Variants in ANK2 observed in about 807,000 individuals in gnomAD.
The protein encoded by ANK2 is ankyrin 2.
Under a neutral mutation model 360.5 loss-of-function variants are expected in ANK2, and 83 were observed. The observed-to-expected ratio is 0.23, with a 90% CI of 0.19 to 0.28. ANK2 has a LOEUF of 0.28. ANK2 is among the 10% of genes least tolerant of loss of function. The pLI is 1.00. For missense variants in ANK2, 4,201 were observed against 4,795.7 expected (o/e 0.88, Z 3.66); for synonymous variants, 1,740 against 1,759.5 (o/e 0.99, Z 0.28).
At chr4:113,259,844 A>G (rs1349166439) in intron 13 of ANK2, among the ~76,000 whole-genome samples, 3 of 142,492 alleles carry the variant, frequency 2.1e-5, no homozygotes, top group Non-Finnish European at 4.5e-5. Context: ...ACCTGAACAG[A>G]TTTACGTACA....
the ANK2 span, among the ~76,000 whole-genome samples, chr4:112,776,765 G>T: frequency 6.6e-6 from 1 of 152,144 alleles, no homozygotes; most frequent in Non-Finnish European, 1.5e-5. Context: ...TATTAAGTAG[G>T]CATCTATCAG....
intron 2 of ANK2, among the ~76,000 whole-genome samples, chr4:112,910,406 G>A (rs939351820): frequency 6.6e-6 from 1 of 152,214 alleles, no homozygotes; most frequent in Non-Finnish European, 1.5e-5. Flanking sequence ...TGGTGAACTC[G>A]TTACTGAGAG....
At chr4:113,020,635 C>T (rs1425701087) in intron 2 of ANK2, among the ~76,000 whole-genome samples, 8 of 152,086 alleles carry the variant, frequency 5.3e-5, no homozygotes, top group Non-Finnish European at 8.8e-5. Flanking sequence ...CAAGACCAGC[C>T]TGGCAAACAT....
chr4:113,291,339 G>C (rs571043210), intron 20 of ANK2, among the ~76,000 whole-genome samples: 8 of 152,206 alleles, frequency 5.3e-5, no homozygotes, highest in East Asian at 1.9e-4. Flanking sequence ...ATAGCCAAAG[G>C]CTTCTTGGAG....
chr4:113,050,702 G>T (rs553621362), intron 1 of ANK2, among the ~76,000 whole-genome samples: 1 of 152,048 alleles, frequency 6.6e-6, no homozygotes, highest in Non-Finnish European at 1.5e-5. Flanking sequence ...AATAATATGG[G>T]CAGGATATTA....
At chr4:112,805,820 C>G in the ANK2 span, among the ~76,000 whole-genome samples, 2 of 152,150 alleles carry the variant, frequency 1.3e-5, no homozygotes, top group African/African-American at 2.4e-5. Flanking sequence ...CGTGATCCAC[C>G]TGCCTTGGCC....
intron 1 of ANK2, among the ~76,000 whole-genome samples, chr4:113,143,399 C>G (rs1323612880): frequency 1.4e-5 from 2 of 143,088 alleles, no homozygotes; most frequent in African/African-American, 5.1e-5. Flanking sequence ...CTAGGGGCAT[C>G]TCCTGAATCT....
chr4:113,079,790 A>G (rs953914792), intron 1 of ANK2, among the ~76,000 whole-genome samples: 2 of 152,146 alleles, frequency 1.3e-5, no homozygotes, highest in East Asian at 1.9e-4. Flanking sequence ...GCATGCCACA[A>G]TTACCCAAAT....
chr4:112,756,203 A>G, the ANK2 span, among the ~76,000 whole-genome samples: 3 of 151,720 alleles, frequency 2.0e-5, no homozygotes, highest in African/African-American at 7.3e-5. Context: ...ACACCACTGC[A>G]CTTCAGCCTG....
chr4:113,129,095 A>G (rs1428568797), intron 1 of ANK2, among the ~76,000 whole-genome samples: 2 of 152,214 alleles, frequency 1.3e-5, no homozygotes, highest in East Asian at 1.9e-4. Context: ...AATAACTAAT[A>G]AAAACAAATA....
intron 1 of ANK2, among the ~76,000 whole-genome samples, chr4:113,125,937 G>T (rs571949221): frequency 6.6e-6 from 1 of 152,260 alleles, no homozygotes; most frequent in South Asian, 2.1e-4. Flanking sequence ...CCTGGGAGAT[G>T]AAATAATGGA....
At chr4:112,996,926 A>G (rs2048745909) in intron 2 of ANK2, among the ~76,000 whole-genome samples, 1 of 152,058 alleles carries the variant, frequency 6.6e-6, no homozygotes, top group South Asian at 2.1e-4. Flanking sequence ...GCCTCTGGTA[A>G]CCATCCTTCT....
At chr4:112,945,345 C>T (rs975542550) in intron 2 of ANK2, among the ~76,000 whole-genome samples, 8 of 152,140 alleles carry the variant, frequency 5.3e-5, no homozygotes, top group African/African-American at 1.9e-4. Context: ...TGAATTGCAC[C>T]TCTCAAAACC....
intron 2 of ANK2, among the ~76,000 whole-genome samples, chr4:112,907,958 G>A (rs1397652738): frequency 6.6e-6 from 1 of 152,122 alleles, no homozygotes; most frequent in East Asian, 1.9e-4. Context: ...GTGGCAGAGA[G>A]GATTAACTGC....
chr4:112,949,293 C>T (rs2094776523), intron 2 of ANK2, among the ~76,000 whole-genome samples: 1 of 152,152 alleles, frequency 6.6e-6, no homozygotes, highest in Admixed American at 6.5e-5. Flanking sequence ...TTAGGAAAAA[C>T]ACCAATAAAG....
intron 2 of ANK2, among the ~76,000 whole-genome samples, chr4:112,922,977 A>AT (rs1226594502): frequency 1.3e-5 from 2 of 152,000 alleles, no homozygotes; most frequent in African/African-American, 4.8e-5. Flanking sequence ...TAATGCTAGG[A>AT]TTTTTTTTCT....
chr4:112,845,974 C>T (rs2063201657), intron 1 of ANK2, among the ~76,000 whole-genome samples: 1 of 152,128 alleles, frequency 6.6e-6, no homozygotes. Context: ...TTTCTAATTC[C>T]TTTGAGTTAC....
At chr4:112,981,962 C>T (rs1419284975) in intron 2 of ANK2, among the ~76,000 whole-genome samples, 1 of 152,092 alleles carries the variant, frequency 6.6e-6, no homozygotes, top group Non-Finnish European at 1.5e-5. Context: ...CAACAGTAGT[C>T]CCTATCAACA....
intron 17 of ANK2, 53 bp from the exon 18 acceptor site, chr4:113,282,622 A>G (rs1381165429): frequency 6.9e-7 from 1 of 1,454,690 alleles, no homozygotes; most frequent in Non-Finnish European, 9.5e-7. Context: ...TACGTATTAG[A>G]GCAATTGTTA....
Sources: gnomAD v4.1 joint callset for allele counts (sites outside exome capture counted in the v4.1 genomes callset) on GRCh38, gnomAD v4.1.1 for gene constraint, MANE v1.5 for transcripts, NCBI Gene and HGNC (gene_info 2026-07-23, HGNC 2026-07-21) for gene names.